The following N4BP2L1 variants were observed in gnomAD, a reference collection of about 807,000 sequenced individuals.
The protein encoded by N4BP2L1 is NEDD4 binding protein 2 like 1.
Under a neutral mutation model 21.2 loss-of-function variants are expected in N4BP2L1, and 12 were observed. The observed-to-expected ratio is 0.57, with a 90% CI of 0.36 to 0.92. The LOEUF is 0.92. N4BP2L1 is among the 40% of genes least tolerant of loss of function. The pLI, the probability that N4BP2L1 is intolerant of heterozygous loss-of-function variation, is 0.01. For synonymous variants in N4BP2L1, 104 were observed against 112.8 expected, an observed-to-expected ratio of 0.92 and a Z score of 0.49; for missense variants, 259 against 310.6, an observed-to-expected ratio of 0.83 and a Z score of 1.25.
chr13:32,428,315 C>T (rs891671061), upstream of N4BP2L1: 8 of 372,362 alleles, frequency 2.1e-5, no homozygotes, highest in Non-Finnish European at 3.8e-5. Context: ...GGTGACGCAC[C>T]CACTCCCACC....
Position 32,401,505 on chromosome 13 carries a change from A to G in N4BP2L1, c.*1437T>C, listed in dbSNP as rs1282411249. 1 of 152,246 alleles carries G rather than the reference A, an allele frequency of 6.6e-6. No homozygotes were observed. The highest frequency in any genetic ancestry group is 1.5e-5 in the Non-Finnish European group (1 of 68,032). 9.4% of individuals were successfully genotyped at this position (152,246 alleles called of 1,614,324 possible). On this transcript the variant is annotated 3_prime_UTR_variant, in exon 5 of 5. Transcript: ENST00000380130. ...ATGGAGATGTCGAGCAGGTTTCAGT[A>G]GTGTCAGATAACGTTAAAACAGTCT...
In N4BP2L1 at chr13:32,400,999, G is replaced by A. The variant is rs1394626874; in HGVS notation, c.*1943C>T. ...GAAAGAAGAGACATTAAATAGGCCA[G>A]GAAACTATTCTTTAGAGCTCTAGAA... On this transcript the variant is annotated 3_prime_UTR_variant, in exon 5 of 5. Transcript: ENST00000380130. 6.6e-6 allele frequency: 1 copy of A among 152,122 alleles called. No homozygotes were observed. The highest frequency in any genetic ancestry group is 1.5e-5 in the Non-Finnish European group (1 of 68,014). 9.4% of individuals were successfully genotyped at this position (152,122 alleles called of 1,614,324 possible). A position where few individuals can be genotyped will look rare whatever the true frequency, so the allele number is the denominator to read the frequency against.
In N4BP2L1 at chr13:32,407,779, A is replaced by G; in HGVS notation, c.180-7T>C. 2 of 1,576,926 alleles carry G rather than the reference A, an allele frequency of 1.3e-6. No homozygotes were observed. The highest frequency in any genetic ancestry group is 2.2e-5 in the East Asian group (1 of 44,628). On this transcript the variant is annotated splice_region_variant and splice_polypyrimidine_tract_variant and intron_variant, in intron 1 of 4. Transcript: ENST00000380130. The stretch of plus-strand genomic sequence containing the variant: ...AAAGTCATGCTGCAATTGTCTGGAA[A>G]GTGGAGAAATGAGAGAGAGAGATGT...
intron 1 of N4BP2L1, among the ~76,000 whole-genome samples, chr13:32,409,600 C>A (rs1202890678): frequency 6.6e-6 from 1 of 152,206 alleles, no homozygotes; most frequent in African/African-American, 2.4e-5. Context: ...ATGGCCCAGC[C>A]AAAGGAGTCA....
upstream of N4BP2L1, chr13:32,428,138 T>C: frequency 7.2e-7 from 1 of 1,387,164 alleles, no homozygotes; most frequent in Non-Finnish European, 9.4e-7. Flanking sequence ...GTCACGGTCT[T>C]GGCCAAAGCT....
rs114810175 is a variant in N4BP2L1 at position 32,424,611 on chromosome 13, T to G, written c.179+3293A>C. ...TCCCAAAGTGCTGGGATTACAGGCA[T>G]GAGCCACCGCTCCACCCTCCAATTA... On this transcript the variant is annotated intron_variant, in intron 1 of 4. Transcript: ENST00000380130. Among the ~76,000 whole-genome samples the G allele has an allele frequency of 5.8e-3, 889 of 152,354 alleles. 10 individuals carry two copies. Among genetic ancestry groups the G allele is most frequent in the African/African-American group, 0.02 (852 of 41,596 alleles).
At position 32,421,608 on chromosome 13, in the gene N4BP2L1, A is replaced by G. The variant is rs762070980; in HGVS notation, c.179+6296T>C. On this transcript the variant is annotated intron_variant, in intron 1 of 4. Transcript: ENST00000380130. ...ACTACATCCCAGGGTTATTGTGAAGATTCAATAAGCCAGTGTCCAAAAAGG... is the reference window on the plus strand; with the variant it reads ...ACTACATCCCAGGGTTATTGTGAAGGTTCAATAAGCCAGTGTCCAAAAAGG... Among the ~76,000 whole-genome samples, 126 of 152,296 alleles carry G rather than the reference A, an allele frequency of 8.3e-4. 1 individual carries two copies. Among genetic ancestry groups the G allele is most frequent in the Non-Finnish European group, 1.5e-3 (104 of 68,012 alleles).
intron 1 of N4BP2L1, chr13:32,425,247 C>T (rs1372625023): frequency 6.6e-6 from 1 of 152,236 alleles, no homozygotes; most frequent in Non-Finnish European, 1.5e-5. Context: ...TGGTGGGCCA[C>T]ACCTGAGCCT....
chr13:32,407,055 G>T, intron 3 of N4BP2L1, 195 bp downstream of exon 3: 1 of 597,844 alleles, frequency 1.7e-6, no homozygotes, highest in South Asian at 2.0e-5. Flanking sequence ...CCTCAAGTGA[G>T]ATTAGCATCT....
intron 1 of N4BP2L1, chr13:32,425,614 C>T (rs577874355): frequency 5.3e-5 from 8 of 152,342 alleles, no homozygotes; most frequent in Non-Finnish European, 1.2e-4. Context: ...GAACAGATAT[C>T]CCCATTTAAC....
At chr13:32,409,635 A>C (rs2073733160) in intron 1 of N4BP2L1, among the ~76,000 whole-genome samples, 1 of 152,230 alleles carries the variant, frequency 6.6e-6, no homozygotes, top group African/African-American at 2.4e-5. Context: ...AGCGCAGCGC[A>C]CAGAGGAAAA....
In N4BP2L1 at chr13:32,403,001, C is replaced by T. The variant is rs371694391; in HGVS notation, c.673G>A (p.Gly225Ser). Reference protein sequence around the residue: ...YTEFPNRRAHGGFTNESSYHR... With the variant: ...YTEFPNRRAHSGFTNESSYHR... Reference sequence around the variant, plus strand: ...TAGGAGCTCTCATTTGTAAATCCACCGTGGGCCCTCCGGTTTGGAAACTCT... The same window carrying T: ...TAGGAGCTCTCATTTGTAAATCCACTGTGGGCCCTCCGGTTTGGAAACTCT... Residue 225 changes from glycine to serine, a missense_variant, in exon 5 of 5, where the codon GGT becomes AGT. Transcript: ENST00000380130. 3.7e-5 allele frequency: 59 copies of T among 1,613,948 alleles called. No individual in the cohort carries two copies. Among genetic ancestry groups the T allele is most frequent in the African/African-American group, 2.4e-4 (18 of 74,904 alleles).
At chr13:32,421,898 T>C (rs1045123559) in intron 1 of N4BP2L1, among the ~76,000 whole-genome samples, 1 of 152,118 alleles carries the variant, frequency 6.6e-6, no homozygotes, top group Admixed American at 6.5e-5. Flanking sequence ...TGAGTGGCCA[T>C]AGGCGGGTGC....
At chr13:32,429,281 G>T (rs1408490398), upstream of N4BP2L1, among the ~76,000 whole-genome samples, 2 of 152,226 alleles carry the variant, frequency 1.3e-5, no homozygotes, top group Non-Finnish European at 2.9e-5. Context: ...CTAGGGATGG[G>T]ATAGGGCGGA....
chr13:32,416,137 C>A (rs774342031), intron 1 of N4BP2L1: 1 of 152,210 alleles, frequency 6.6e-6, no homozygotes, highest in Non-Finnish European at 1.5e-5. Flanking sequence ...AGTCCATTTT[C>A]TTTAACTGCT....
intron 4 of N4BP2L1, 156 bp downstream of exon 4, chr13:32,404,165 C>A (rs941721029): frequency 1.2e-6 from 2 of 1,611,690 alleles, no homozygotes; most frequent in South Asian, 1.1e-5. Context: ...AAAGTCTTCA[C>A]ATTAATAATT....
chr13:32,414,537 A>C (rs759405566), intron 1 of N4BP2L1, among the ~76,000 whole-genome samples: 12 of 152,170 alleles, frequency 7.9e-5, no homozygotes, highest in Non-Finnish European at 1.3e-4. Flanking sequence ...TGTTTGTAAT[A>C]ATCTCTAAAA....
At chr13:32,411,478 TTAAA>T in intron 1 of N4BP2L1, 1 of 976,516 alleles carries the variant, frequency 1.0e-6, no homozygotes, top group Middle Eastern at 5.3e-4. Flanking sequence ...AAAGAACTGA[TTAAA>T]TAGACAATCT....
chr13:32,424,094 G>C (rs2074633849), intron 1 of N4BP2L1, among the ~76,000 whole-genome samples: 1 of 152,126 alleles, frequency 6.6e-6, no homozygotes. Context: ...AGAATGAAAG[G>C]GTCTTGGCAT....
Sources: allele counts gnomAD v4.1 joint callset (sites outside exome capture counted in the v4.1 genomes callset), GRCh38; gene constraint gnomAD v4.1.1; transcripts MANE v1.5; gene names NCBI Gene and HGNC (gene_info 2026-07-23, HGNC 2026-07-21).